The following PDE1C variants were observed in gnomAD, a reference collection of about 807,000 sequenced individuals.
PDE1C encodes dual specificity calcium/calmodulin-dependent 3',5'-cyclic nucleotide phosphodiesterase 1C.
Under a neutral mutation model 93.1 loss-of-function variants are expected in PDE1C, and 62 were observed. The ratio of observed to expected loss-of-function variants is 0.67; its 90% CI spans 0.54 to 0.82. The LOEUF (loss-of-function observed/expected upper bound fraction) is 0.82, where lower values mean the gene tolerates loss of function less well. Ranked by LOEUF, PDE1C falls within the 40% of genes least tolerant of loss-of-function variation. PDE1C has a pLI of 0.00. For missense variants in PDE1C, 742 were observed against 884.6 expected (o/e 0.84, Z 2.04); for synonymous variants, 325 against 310.1 (o/e 1.05, Z -0.50).
At chr7:31,738,204 A>G in the PDE1C span, among the ~76,000 whole-genome samples, 1 of 152,182 alleles carries the variant, frequency 6.6e-6, no homozygotes, top group Non-Finnish European at 1.5e-5. Flanking sequence ...CATGAGCCCA[A>G]TCTCAATGGA....
chr7:31,692,660 C>T, the PDE1C span: 2 of 729,414 alleles, frequency 2.7e-6, no homozygotes, highest in African/African-American at 3.5e-5. Flanking sequence ...ACAGCCAACA[C>T]CAGATGGGCA....
chr7:31,882,468 A>G (rs573121408), intron 2 of PDE1C, among the ~76,000 whole-genome samples: 2 of 152,294 alleles, frequency 1.3e-5, no homozygotes, highest in African/African-American at 4.8e-5. Flanking sequence ...GCTCTTTAGC[A>G]AAACACATTC....
intron 2 of PDE1C, among the ~76,000 whole-genome samples, chr7:32,179,940 G>A (rs559027679): frequency 2.6e-5 from 4 of 152,130 alleles, no homozygotes; most frequent in Admixed American, 6.5e-5. Flanking sequence ...AACCTTCAAC[G>A]GTTCTCAAAA....
intron 1 of PDE1C, among the ~76,000 whole-genome samples, chr7:32,068,457 TAACA>T (rs533920168): frequency 6.6e-6 from 1 of 152,138 alleles, no homozygotes; most frequent in Non-Finnish European, 1.5e-5. Context: ...TGTATAATAA[TAACA>T]AATAATAGCA....
intron 1 of PDE1C, among the ~76,000 whole-genome samples, chr7:32,358,535 C>T (rs1349401): frequency 0.028 from 4,223 of 152,062 alleles, 132 homozygotes; most frequent in African/African-American, 0.075. Context: ...GACTAGACAG[C>T]GGGCAAGTGG....
At chr7:31,979,818 C>T (rs1472686362) in intron 2 of PDE1C, among the ~76,000 whole-genome samples, 1 of 152,186 alleles carries the variant, frequency 6.6e-6, no homozygotes, top group East Asian at 1.9e-4. Context: ...TACCCAAGTA[C>T]TGTGTGGTTA....
At chr7:31,844,667 ATATT>A (rs960131135) in intron 9 of PDE1C, among the ~76,000 whole-genome samples, 10 of 152,014 alleles carry the variant, frequency 6.6e-5, no homozygotes, top group African/African-American at 2.4e-4. Flanking sequence ...TTGAATCTGT[ATATT>A]TATATGTTTG....
At chr7:32,233,766 T>C (rs1418979925) in intron 1 of PDE1C, among the ~76,000 whole-genome samples, 5 of 152,046 alleles carry the variant, frequency 3.3e-5, no homozygotes, top group East Asian at 1.9e-4. Context: ...CAGTAATCAA[T>C]AGAATGATTA....
At chr7:32,302,338 A>G (rs1037639965), upstream of PDE1C, among the ~76,000 whole-genome samples, 1 of 152,232 alleles carries the variant, frequency 6.6e-6, no homozygotes, top group Non-Finnish European at 1.5e-5. Context: ...CAAGGAGGGA[A>G]GAAGATCCCT....
At chr7:32,132,217 C>G (rs1282040362) in intron 3 of PDE1C, among the ~76,000 whole-genome samples, 4 of 151,914 alleles carry the variant, frequency 2.6e-5, no homozygotes, top group Non-Finnish European at 5.9e-5. Context: ...GAGCTGGAGC[C>G]CAGTGAGCAA....
chr7:31,696,843 A>C, the PDE1C span: 84 of 1,124,834 alleles, frequency 7.5e-5, no homozygotes, highest in Non-Finnish European at 1.0e-4. Flanking sequence ...TTGCTTTATT[A>C]AAGTAAGTTT....
intron 3 of PDE1C, among the ~76,000 whole-genome samples, chr7:32,128,453 G>A (rs1799713024): frequency 6.6e-6 from 1 of 151,818 alleles, no homozygotes; most frequent in South Asian, 2.1e-4. Flanking sequence ...ATAGGATAGT[G>A]TTATAATTCT....
At chr7:31,709,789 T>C in the PDE1C span, among the ~76,000 whole-genome samples, 1 of 152,202 alleles carries the variant, frequency 6.6e-6, no homozygotes, top group African/African-American at 2.4e-5. Context: ...ATTAGCATTA[T>C]ATTTCAATTA....
intron 2 of PDE1C, among the ~76,000 whole-genome samples, chr7:31,943,922 A>T (rs1361434250): frequency 6.6e-6 from 1 of 152,190 alleles, no homozygotes; most frequent in East Asian, 1.9e-4. Context: ...AAAGAATCTC[A>T]TCAGGCAAAA....
intron 1 of PDE1C, among the ~76,000 whole-genome samples, chr7:32,063,708 A>G (rs1192510488): frequency 6.6e-6 from 1 of 152,222 alleles, no homozygotes; most frequent in East Asian, 1.9e-4. Flanking sequence ...TATTTCAGAG[A>G]GATTTAACTT....
the PDE1C span, chr7:31,707,250 T>C: frequency 1.5e-4 from 243 of 1,614,074 alleles, no homozygotes; most frequent in East Asian, 4.8e-3. Flanking sequence ...TCGTGGAAGA[T>C]GACGAAAAGG....
chr7:31,946,130 C>T (rs1806572511), intron 2 of PDE1C, among the ~76,000 whole-genome samples: 2 of 152,150 alleles, frequency 1.3e-5, no homozygotes, highest in Middle Eastern at 6.8e-3. Context: ...TTTTTTACTC[C>T]CTATCTGAAG....
At chr7:31,711,093 A>T in the PDE1C span, among the ~76,000 whole-genome samples, 1 of 152,218 alleles carries the variant, frequency 6.6e-6, no homozygotes, top group African/African-American at 2.4e-5. Context: ...ACTTCCTGAG[A>T]AGGAACAACA....
chr7:32,332,478 GT>G (rs1162261647), intron 1 of PDE1C, among the ~76,000 whole-genome samples: 3 of 151,182 alleles, frequency 2.0e-5, no homozygotes, highest in African/African-American at 7.3e-5. Flanking sequence ...TTTGGCTTTA[GT>G]ATCTACTAAA....
Sources: gnomAD v4.1 joint callset for allele counts (sites outside exome capture counted in the v4.1 genomes callset) on GRCh38, gnomAD v4.1.1 for gene constraint, MANE v1.5 for transcripts, NCBI Gene and HGNC (gene_info 2026-07-23, HGNC 2026-07-21) for gene names.